Variants in PID1 observed in about 807,000 individuals in gnomAD.
PID1 encodes PTB-containing, cubilin and LRP1-interacting protein.
PID1 carries 10 observed loss-of-function variants against 19.1 expected under a neutral mutation model. That is an observed-to-expected ratio of 0.52 (90% CI 0.32 to 0.89). The LOEUF is 0.89. PID1 is among the 40% of genes least tolerant of loss of function. PID1 has a pLI of 0.03. For missense variants in PID1, 248 were observed against 285.3 expected (o/e 0.87, Z 0.94); for synonymous variants, 130 against 116.0 (o/e 1.12, Z -0.78).
intron 2 of PID1, among the ~76,000 whole-genome samples, chr2:229,103,453 C>A (rs1357269685): frequency 6.6e-6 from 1 of 152,162 alleles, no homozygotes; most frequent in Non-Finnish European, 1.5e-5. Context: ...CTCTCACTGA[C>A]AGCCCTACTG....
chr2:229,172,213 C>T (rs1690724958), intron 1 of PID1, among the ~76,000 whole-genome samples: 1 of 152,182 alleles, frequency 6.6e-6, no homozygotes, highest in African/African-American at 2.4e-5. Context: ...CCTCTCTACC[C>T]TCCTCCAAAT....
In PID1 at chr2:229,220,467, C is replaced by T. The variant is rs192579283; in HGVS notation, c.30+50547G>A. Among the ~76,000 whole-genome samples the T allele has an allele frequency of 1.4e-3, 215 of 152,322 alleles. 1 individual carries two copies. Among genetic ancestry groups the T allele is most frequent in the African/African-American group, 5.0e-3 (209 of 41,586 alleles). Reference sequence around the variant, plus strand: ...AGCCCACATGGGTTGGACGTCAGGACTCCAACGGCCCATGCTCTCCAGTGA... The same window carrying T: ...AGCCCACATGGGTTGGACGTCAGGATTCCAACGGCCCATGCTCTCCAGTGA... On this transcript the variant is annotated intron_variant, in intron 1 of 2. Coordinates refer to ENST00000392055, the MANE Select transcript of PID1 (RefSeq NM_001100818.2).
chr2:229,142,090 T>C (rs1056478641), intron 2 of PID1, among the ~76,000 whole-genome samples: 1 of 152,140 alleles, frequency 6.6e-6, no homozygotes, highest in East Asian at 1.9e-4. Flanking sequence ...TTTTTGGTCA[T>C]ATCTTATTTG....
At chr2:229,192,088 G>A (rs1691272260) in intron 1 of PID1, among the ~76,000 whole-genome samples, 1 of 152,050 alleles carries the variant, frequency 6.6e-6, no homozygotes, top group Admixed American at 6.6e-5. Flanking sequence ...GAAGAAAATA[G>A]GGGGTATAAA....
At chr2:229,206,314 T>A (rs920971877) in intron 1 of PID1, among the ~76,000 whole-genome samples, 32 of 151,914 alleles carry the variant, frequency 2.1e-4, no homozygotes, top group African/African-American at 7.7e-4. Context: ...TAATTTTTAT[T>A]TTTAGCTTTT....
chr2:229,174,656 G>T (rs536017733), intron 1 of PID1, among the ~76,000 whole-genome samples: 13 of 148,548 alleles, frequency 8.8e-5, no homozygotes, highest in African/African-American at 2.7e-4. Flanking sequence ...ATGCTGTATG[G>T]TACAGAGATT....
At chr2:229,226,927 A>T (rs1436728271) in intron 1 of PID1, among the ~76,000 whole-genome samples, 2 of 152,136 alleles carry the variant, frequency 1.3e-5, no homozygotes, top group African/African-American at 2.4e-5. Context: ...GGTGTTTAGA[A>T]TTTTTTTAAA....
chr2:229,029,561 G>T (rs953967704), intron 2 of PID1, among the ~76,000 whole-genome samples: 1 of 152,066 alleles, frequency 6.6e-6, no homozygotes, highest in Non-Finnish European at 1.5e-5. Flanking sequence ...TCAAAGTAGA[G>T]GCCGGGCGCA....
At chr2:229,173,215 C>A (rs1223395158) in intron 1 of PID1, among the ~76,000 whole-genome samples, 2 of 152,194 alleles carry the variant, frequency 1.3e-5, no homozygotes, top group African/African-American at 4.8e-5. Flanking sequence ...TAGATATCAA[C>A]CTACATGGGT....
At chr2:229,215,980 C>T (rs1032518888) in intron 1 of PID1, among the ~76,000 whole-genome samples, 11 of 152,248 alleles carry the variant, frequency 7.2e-5, no homozygotes, top group Admixed American at 6.5e-4. Context: ...CTCTGCAGAA[C>T]GTGGTCTGGA....
intron 1 of PID1, chr2:229,232,034 G>T: frequency 6.5e-7 from 1 of 1,547,784 alleles, no homozygotes; most frequent in South Asian, 1.2e-5. Flanking sequence ...ACAGTGGAAG[G>T]CTAAGGGGCA....
chr2:229,131,352 T>A (rs1689736767), intron 2 of PID1, among the ~76,000 whole-genome samples: 1 of 152,022 alleles, frequency 6.6e-6, no homozygotes, highest in African/African-American at 2.4e-5. Context: ...TGCCTCAGCC[T>A]CCCAAGTAGC....
intron 2 of PID1, among the ~76,000 whole-genome samples, chr2:229,046,972 T>A (rs1382281904): frequency 1.3e-5 from 2 of 152,134 alleles, no homozygotes; most frequent in Admixed American, 6.5e-5. Flanking sequence ...TGTGGCAAGA[T>A]CTCCTACCAT....
At chr2:229,064,449 C>T (rs1694278402) in intron 2 of PID1, among the ~76,000 whole-genome samples, 1 of 152,020 alleles carries the variant, frequency 6.6e-6, no homozygotes, top group Admixed American at 6.6e-5. Flanking sequence ...GTTTATCAGC[C>T]ATGAAGTTTA....
At chr2:229,175,563 T>C (rs1351566152) in intron 1 of PID1, among the ~76,000 whole-genome samples, 1 of 152,172 alleles carries the variant, frequency 6.6e-6, no homozygotes, top group Admixed American at 6.5e-5. Flanking sequence ...ACATACTTTA[T>C]CATAATAAAT....
chr2:229,175,585 G>T (rs977988160), intron 1 of PID1, among the ~76,000 whole-genome samples: 1 of 152,182 alleles, frequency 6.6e-6, no homozygotes, highest in African/African-American at 2.4e-5. Flanking sequence ...AAATACACAG[G>T]CTGCTCTAAA....
intron 2 of PID1, among the ~76,000 whole-genome samples, chr2:229,061,956 C>T (rs12614527): frequency 6.6e-6 from 1 of 151,766 alleles, no homozygotes; most frequent in Non-Finnish European, 1.5e-5. Context: ...TGAAACTTTA[C>T]TGAATTAATT....
chr2:229,131,194 C>T (rs1021126976), intron 2 of PID1, among the ~76,000 whole-genome samples: 6 of 151,866 alleles, frequency 4.0e-5, no homozygotes, highest in Admixed American at 3.9e-4. Flanking sequence ...ATAAATACTA[C>T]ATTTTTCTTT....
intron 1 of PID1, among the ~76,000 whole-genome samples, chr2:229,248,948 G>A (rs867655566): frequency 6.6e-6 from 1 of 152,182 alleles, no homozygotes; most frequent in South Asian, 2.1e-4. Flanking sequence ...TGGCTTTCTT[G>A]ATGATGCTCA....
Sources: gnomAD v4.1 joint callset for allele counts (sites outside exome capture counted in the v4.1 genomes callset) on GRCh38, gnomAD v4.1.1 for gene constraint, MANE v1.5 for transcripts, NCBI Gene and HGNC (gene_info 2026-07-23, HGNC 2026-07-21) for gene names.